SLC12A6: variants seen among roughly 807,000 people sequenced by gnomAD.
The protein encoded by SLC12A6 is solute carrier family 12 member 6, also known as K-Cl cotransporter 3.
A neutral mutation model predicts 135.3 loss-of-function variants in SLC12A6; 66 were observed. The observed-to-expected ratio is 0.49, with a 90% CI of 0.40 to 0.60. The LOEUF is 0.60. SLC12A6 is among the 20% of genes least tolerant of loss of function. The pLI is 0.00. For synonymous variants in SLC12A6, 513 were observed against 508.8 expected, an observed-to-expected ratio of 1.01 and a Z score of -0.11; for missense variants, 1,058 against 1,452.3, an observed-to-expected ratio of 0.73 and a Z score of 4.41.
chr15:34,333,483 G>A (rs993937109), intron 2 of SLC12A6, among the ~76,000 whole-genome samples: 4 of 151,828 alleles, frequency 2.6e-5, no homozygotes, highest in East Asian at 2.0e-4. Flanking sequence ...CACCCGCCTC[G>A]GCCTCCCAAA....
intron 24 of SLC12A6, 107 bp downstream of exon 24, chr15:34,235,908 A>T: frequency 2.3e-6 from 2 of 878,974 alleles, no homozygotes; most frequent in Non-Finnish European, 3.9e-6. Flanking sequence ...TGAGGTGGCT[A>T]GATTCAGGGT....
At chr15:34,288,768 T>G (rs1895303212) in intron 2 of SLC12A6, among the ~76,000 whole-genome samples, 1 of 152,238 alleles carries the variant, frequency 6.6e-6, no homozygotes, top group Non-Finnish European at 1.5e-5. Flanking sequence ...AGTTCACTCA[T>G]GATTTGGCTC....
intron 1 of SLC12A6, 100 bp downstream of exon 1, chr15:34,337,232 G>C (rs1216781572): frequency 1.1e-5 from 2 of 175,168 alleles, no homozygotes; most frequent in African/African-American, 2.4e-5. Context: ...AGGTCTGGCT[G>C]GGGGGAGGTG....
intron 2 of SLC12A6, among the ~76,000 whole-genome samples, chr15:34,333,790 G>C (rs569874763): frequency 2.0e-4 from 30 of 152,164 alleles, no homozygotes; most frequent in African/African-American, 6.7e-4. Context: ...TTCATGTAGG[G>C]CTGGGCGCTG....
intron 2 of SLC12A6, among the ~76,000 whole-genome samples, chr15:34,285,337 G>C (rs1894974532): frequency 6.6e-6 from 1 of 152,162 alleles, no homozygotes; most frequent in South Asian, 2.1e-4. Flanking sequence ...TGTTTCAAAG[G>C]AGGGACTGAC....
At chr15:34,285,692 ATGTGTGTGTGTGTGTGTGTGTTTG>A (rs1895003402) in intron 2 of SLC12A6, among the ~76,000 whole-genome samples, 1 of 12,906 alleles carries the variant, frequency 7.7e-5, no homozygotes, top group Admixed American at 6.6e-4. Context: ...AATGTGCTAT[ATGTGTGTGTGTGTGTGTGTGTTTG>A]TCATACATAA....
chr15:34,278,983 A>T (rs1285416746), intron 2 of SLC12A6, among the ~76,000 whole-genome samples: 1 of 152,194 alleles, frequency 6.6e-6, no homozygotes, highest in Non-Finnish European at 1.5e-5. Context: ...TGTGAAGACT[A>T]ACCTCCAAGA....
At chr15:34,273,409 G>C (rs549439158) in intron 3 of SLC12A6, among the ~76,000 whole-genome samples, 1 of 152,246 alleles carries the variant, frequency 6.6e-6, no homozygotes, top group South Asian at 2.1e-4. Flanking sequence ...CAGGACCTTG[G>C]TGATCAGATT....
At chr15:34,288,335 G>C (rs868792140) in intron 2 of SLC12A6, among the ~76,000 whole-genome samples, 1 of 152,138 alleles carries the variant, frequency 6.6e-6, no homozygotes, top group Non-Finnish European at 1.5e-5. Flanking sequence ...CTGTTCCATT[G>C]GTCTATATAT....
At chr15:34,260,292 T>C (rs1035372737) in intron 4 of SLC12A6, among the ~76,000 whole-genome samples, 1 of 152,208 alleles carries the variant, frequency 6.6e-6, no homozygotes, top group Non-Finnish European at 1.5e-5. Flanking sequence ...GGAGTCTTGC[T>C]CTGTCGCCCA....
intron 1 of SLC12A6, 79 bp downstream of exon 1, chr15:34,337,253 C>T (rs1416302991): frequency 1.2e-5 from 2 of 168,852 alleles, no homozygotes; most frequent in East Asian, 3.3e-4. Flanking sequence ...TATGCAAAGC[C>T]ACCCGGTGTT....
rs528188019 is a variant in SLC12A6, at chr15:34,261,541, G to A, written c.317-521C>T. On this transcript the variant is annotated intron_variant, in intron 3 of 25. Coordinates refer to ENST00000354181, the MANE Select transcript of SLC12A6 (RefSeq NM_001365088.1). The stretch of plus-strand genomic sequence containing the variant: ...TCAAACTCCTGGCCTCAAGTTATCC[G>A]CCCACCTCAGCCTCCCAAAGTGCTG... Among the ~76,000 whole-genome samples the A allele has an allele frequency of 3.9e-5, 6 of 152,116 alleles. No homozygotes were observed. The East Asian group carries it at 5.8e-4, about 15-fold the overall frequency.
Position 34,270,868 on chromosome 15 carries a change from T to C in SLC12A6, c.316+4477A>G, listed in dbSNP as rs149136091. ...AAAGAGAGAGAGAAAAGAGGTTTAATTGACTCCAAGTTCAGCATGGCTAGG... is the reference window on the plus strand; with the variant it reads ...AAAGAGAGAGAGAAAAGAGGTTTAACTGACTCCAAGTTCAGCATGGCTAGG... On this transcript the variant is annotated intron_variant, in intron 3 of 25. Transcript: ENST00000354181. Among the ~76,000 whole-genome samples, 383 of 151,146 alleles carry C rather than the reference T, an allele frequency of 2.5e-3. 1 individual carries two copies. Among genetic ancestry groups the C allele is most frequent in the African/African-American group, 9.1e-3 (374 of 41,218 alleles).
intron 13 of SLC12A6, among the ~76,000 whole-genome samples, chr15:34,247,854 G>A (rs897242722): frequency 2.0e-5 from 3 of 152,000 alleles, no homozygotes; most frequent in African/African-American, 7.3e-5. Context: ...ACAGGCATAC[G>A]CCACCATGCC....
chr15:34,318,047 T>C (rs1321204172), intron 2 of SLC12A6, among the ~76,000 whole-genome samples: 1 of 152,228 alleles, frequency 6.6e-6, no homozygotes, highest in African/African-American at 2.4e-5. Flanking sequence ...CCATTCATTA[T>C]TGAATTATAG....
chr15:34,234,619 G>C (rs1422454768), intron 25 of SLC12A6, among the ~76,000 whole-genome samples: 1 of 152,130 alleles, frequency 6.6e-6, no homozygotes, highest in Non-Finnish European at 1.5e-5. Flanking sequence ...TGATCCACCT[G>C]CCTTAGCCTC....
intron 3 of SLC12A6, among the ~76,000 whole-genome samples, chr15:34,273,495 T>A (rs1396532906): frequency 6.6e-6 from 1 of 152,206 alleles, no homozygotes; most frequent in Non-Finnish European, 1.5e-5. Flanking sequence ...TTTCAGCATA[T>A]AAACTCACTA....
chr15:34,302,867 T>C (rs966290907), intron 2 of SLC12A6, among the ~76,000 whole-genome samples: 1 of 151,118 alleles, frequency 6.6e-6, no homozygotes, highest in Non-Finnish European at 1.5e-5. Flanking sequence ...AGAGGATTGC[T>C]TGAGCCCAGG....
intron 16 of SLC12A6, 61 bp downstream of exon 16, chr15:34,243,913 T>G: frequency 9.9e-7 from 1 of 1,005,652 alleles, no homozygotes; most frequent in Admixed American, 1.7e-5. Context: ...CTCCTAGTTT[T>G]CTAGTTCAAA....
Sources: gnomAD v4.1 joint callset for allele counts (sites outside exome capture counted in the v4.1 genomes callset) on GRCh38, gnomAD v4.1.1 for gene constraint, MANE v1.5 for transcripts, NCBI Gene and HGNC (gene_info 2026-07-23, HGNC 2026-07-21) for gene names.